CXCL13: variants seen among roughly 807,000 people sequenced by gnomAD.
CXCL13 encodes C-X-C motif chemokine ligand 13, also known as C-X-C motif chemokine 13.
Under a neutral mutation model 12.2 loss-of-function variants are expected in CXCL13, and 7 were observed. The ratio of observed to expected loss-of-function variants is 0.57; its 90% confidence interval spans 0.33 to 1.07. The LOEUF is 1.07. Ranked by LOEUF, CXCL13 falls within the 50% of genes least tolerant of loss-of-function variation. The pLI is 0.04. For missense variants in CXCL13, 113 were observed against 127.4 expected (o/e 0.89, Z 0.55); for synonymous variants, 47 against 42.4 (o/e 1.11, Z -0.42).
chr4:77,589,473 A>G (rs1308477313), intron 1 of CXCL13, among the ~76,000 whole-genome samples: 1 of 151,928 alleles, frequency 6.6e-6, no homozygotes, highest in Non-Finnish European at 1.5e-5. Context: ...TATTGTTATA[A>G]TTGTTCTGTT....
chr4:77,562,023 C>T (rs577160013), intron 1 of CXCL13, among the ~76,000 whole-genome samples: 17 of 152,256 alleles, frequency 1.1e-4, no homozygotes, highest in African/African-American at 3.1e-4. Flanking sequence ...CCAGCAGCTG[C>T]GGAGGGTGCG....
rs572123535 is a variant in CXCL13, at chr4:77,572,392, C to T, written c.-42-33432C>T. Among the ~76,000 whole-genome samples the T allele has an allele frequency of 1.6e-4, 25 of 151,596 alleles. 1 individual carries two copies. The highest frequency in any genetic ancestry group is 5.6e-4 in the African/African-American group (23 of 41,018). On this transcript the variant is annotated intron_variant, in intron 1 of 4. Coordinates refer to the CXCL13 transcript ENST00000286758. ...CTCCAGCCTGGGTGACAGAGTGAGA[C>T]CCTGTCTCAAAAAGAAAAAAAATAG...
chr4:77,540,266 C>T (rs181248115), intron 1 of CXCL13, among the ~76,000 whole-genome samples: 137 of 152,174 alleles, frequency 9.0e-4, no homozygotes, highest in African/African-American at 2.9e-3. Context: ...TTAATAATTT[C>T]AACTTTTATT....
intron 1 of CXCL13, among the ~76,000 whole-genome samples, chr4:77,578,010 A>C (rs1726234906): frequency 6.6e-6 from 1 of 152,128 alleles, no homozygotes; most frequent in South Asian, 2.1e-4. Context: ...AAACTGGGAA[A>C]ACTCAATTTC....
chr4:77,588,063 T>C (rs911019353), intron 1 of CXCL13, among the ~76,000 whole-genome samples: 2 of 152,226 alleles, frequency 1.3e-5, no homozygotes, highest in Admixed American at 6.5e-5. Flanking sequence ...CCAGTATCCA[T>C]GGCCAAGGGG....
intron 1 of CXCL13, among the ~76,000 whole-genome samples, chr4:77,543,625 T>C (rs1304589168): frequency 6.6e-6 from 1 of 152,168 alleles, no homozygotes; most frequent in Non-Finnish European, 1.5e-5. Context: ...AAAAGTCATA[T>C]AGGAGCAACT....
chr4:77,535,766 A>G (rs189292803), intron 1 of CXCL13, among the ~76,000 whole-genome samples: 185 of 152,262 alleles, frequency 1.2e-3, no homozygotes, highest in African/African-American at 4.3e-3. Flanking sequence ...ACAAATAACT[A>G]GATCAGCTGA....
rs1156433846 is a variant in CXCL13 at position 77,610,612 on chromosome 4, A to C, written c.198-2A>C. ...AATTATTTAATTTTTATTTTCCCCC[A>C]GAGTCTGGAAGAAGAACAAGTCAAT... is the stretch of plus-strand genomic sequence containing the variant. On this transcript the variant is annotated splice_acceptor_variant, in intron 2 of 3. Coordinates refer to ENST00000682537, the MANE Select transcript of CXCL13 (RefSeq NM_001371558.1). LOFTEE classifies it high-confidence loss of function. 2 of 1,605,208 alleles carry C rather than the reference A, an allele frequency of 1.2e-6. No homozygotes were observed. Among genetic ancestry groups the C allele is most frequent in the Non-Finnish European group, 1.7e-6 (2 of 1,172,050 alleles).
In CXCL13 at chr4:77,570,880, C is replaced by T. The variant is rs530447508; in HGVS notation, c.-42-34944C>T. Among the ~76,000 whole-genome samples, 171 of 152,084 alleles carry T rather than the reference C, an allele frequency of 1.1e-3. 3 individuals carry two copies. Among genetic ancestry groups the T allele is most frequent in the African/African-American group, 3.8e-3 (158 of 41,360 alleles). ...ACCGGTGCTGCGCTCGATTTCTCACCGGGCCTTAGCTGCCTTCCCATGGGG... is the reference window on the plus strand; with the variant it reads ...ACCGGTGCTGCGCTCGATTTCTCACTGGGCCTTAGCTGCCTTCCCATGGGG... On this transcript the variant is annotated intron_variant, in intron 1 of 4. Transcript: ENST00000286758.
intron 1 of CXCL13, among the ~76,000 whole-genome samples, chr4:77,520,198 G>C (rs967886653): frequency 6.6e-6 from 1 of 152,130 alleles, no homozygotes; most frequent in Non-Finnish European, 1.5e-5. Context: ...GGCAATGCGG[G>C]CTCTTTTTTG....
chr4:77,560,575 C>G (rs189424176), intron 1 of CXCL13, among the ~76,000 whole-genome samples: 1 of 152,232 alleles, frequency 6.6e-6, no homozygotes, highest in African/African-American at 2.4e-5. Context: ...CAATTGAAGT[C>G]TCCTTTCTAG....
intron 2 of CXCL13, among the ~76,000 whole-genome samples, chr4:77,610,375 T>G (rs1306792259): frequency 2.0e-5 from 3 of 152,200 alleles, no homozygotes; most frequent in African/African-American, 7.2e-5. Flanking sequence ...CTCTGACATG[T>G]GAGGCCCTCG....
chr4:77,545,262 A>T (rs1366089913), intron 1 of CXCL13, among the ~76,000 whole-genome samples: 5 of 152,148 alleles, frequency 3.3e-5, no homozygotes, highest in Non-Finnish European at 7.4e-5. Context: ...ACTTTAAAGT[A>T]GTTTTTTCTA....
chr4:77,547,954 C>G (rs1001510531), intron 1 of CXCL13, among the ~76,000 whole-genome samples: 1 of 151,950 alleles, frequency 6.6e-6, no homozygotes, highest in African/African-American at 2.4e-5. Flanking sequence ...TCAGCATTTG[C>G]TTGTCTGTAC....
At chr4:77,593,569 T>G (rs1273629693) in intron 1 of CXCL13, among the ~76,000 whole-genome samples, 1 of 152,258 alleles carries the variant, frequency 6.6e-6, no homozygotes, top group Non-Finnish European at 1.5e-5. Context: ...AAAACTACCT[T>G]AAATTTGAAA....
intron 1 of CXCL13, among the ~76,000 whole-genome samples, chr4:77,576,616 A>G (rs1726205573): frequency 6.6e-6 from 1 of 152,172 alleles, no homozygotes; most frequent in Non-Finnish European, 1.5e-5. Context: ...CTCCAGGTTT[A>G]TCTTGGGACC....
At chr4:77,587,044 G>T (rs1222427680) in intron 1 of CXCL13, among the ~76,000 whole-genome samples, 1 of 152,160 alleles carries the variant, frequency 6.6e-6, no homozygotes, top group African/African-American at 2.4e-5. Context: ...GGCGGCTGCT[G>T]CTTAGTCACT....
At chr4:77,543,811 A>G (rs995334608) in intron 1 of CXCL13, among the ~76,000 whole-genome samples, 2 of 151,980 alleles carry the variant, frequency 1.3e-5, no homozygotes, top group East Asian at 1.9e-4. Flanking sequence ...GGTTTGTTAC[A>G]TATGTATACA....
chr4:77,603,106 C>T (rs566771177), upstream of CXCL13, among the ~76,000 whole-genome samples: 1 of 152,320 alleles, frequency 6.6e-6, no homozygotes, highest in East Asian at 1.9e-4. Context: ...TTATTCAGAG[C>T]TCTCTTTCAG....
Sources: gnomAD v4.1 joint callset for allele counts (sites outside exome capture counted in the v4.1 genomes callset) on GRCh38, gnomAD v4.1.1 for gene constraint, MANE v1.5 for transcripts, NCBI Gene and HGNC (gene_info 2026-07-23, HGNC 2026-07-21) for gene names.